ICMT: variants seen among roughly 807,000 people sequenced by gnomAD.
ICMT encodes isoprenylcysteine carboxyl methyltransferase.
A neutral mutation model predicts 32.2 loss-of-function variants in ICMT; 10 were observed. That is an observed-to-expected ratio of 0.31 (90% CI 0.19 to 0.53). ICMT has a LOEUF of 0.53. Ranked by LOEUF, ICMT falls within the 20% of genes least tolerant of loss-of-function variation. ICMT has a pLI of 0.96. For missense variants in ICMT, 265 were observed against 356.9 expected (o/e 0.74, Z 2.07); for synonymous variants, 183 against 158.2 (o/e 1.16, Z -1.18).
Position 6,233,527 on chromosome 1 carries a change from A to G in ICMT, c.401T>C (p.Val134Ala). 2 of 1,614,160 alleles carry G rather than the reference A, an allele frequency of 1.2e-6. No homozygotes were observed. Among genetic ancestry groups the G allele is most frequent in the Non-Finnish European group, 1.7e-6 (2 of 1,180,014 alleles). ...FLLNHSLEYT[V>A]AALSSWLEFT... ...CTCTAACCAAGAAGAAAGAGCAGCT[A>G]CTGTATACTCCAGGCTGTGATTCAG... The change falls in exon 3 of 5, where the codon GTA (valine) becomes GCA (alanine). Residue 134 changes from valine (V) to alanine (A), a missense_variant. Val to Ala is a moderately conservative substitution (Grantham distance 64). This residue lies in a region of ICMT where 166 missense variants were observed against 264.3 expected (regional missense o/e 0.63). Transcript: ENST00000343813.
At position 6,233,499 on chromosome 1, in the gene ICMT, G is replaced by A; in HGVS notation, c.429C>T (p.Phe143=). Residue 143 remains phenylalanine, a synonymous_variant, in exon 3 of 5, where the codon TTC becomes TTT. Transcript: ENST00000343813. ...CTGGCCAAAAGATATTTTCAAGTGT[G>A]AACTCTAACCAAGAAGAAAGAGCAG... ...TVAALSSWLE[F]TLENIFWPEL... The A allele has an allele frequency of 1.9e-6, 3 of 1,613,856 alleles. No individual in the cohort carries two copies. Among genetic ancestry groups the A allele is most frequent in the Non-Finnish European group, 2.5e-6 (3 of 1,179,962 alleles).
In ICMT at chr1:6,222,177, T is replaced by C. The variant is rs1668565305; in HGVS notation, c.*2903A>G. The C allele has an allele frequency of 6.6e-6, 1 of 152,274 alleles. No individual in the cohort carries two copies. The highest frequency in any genetic ancestry group is 2.1e-4 in the South Asian group (1 of 4,832). The allele number at this position is 152,274 out of a possible 1,614,324, so 9.4% of individuals were successfully genotyped here. A position where few individuals can be genotyped will look rare whatever the true frequency, so the allele number is the denominator to read the frequency against. On this transcript the variant is annotated 3_prime_UTR_variant, in exon 5 of 5. Coordinates refer to ENST00000343813, the MANE Select transcript of ICMT (RefSeq NM_012405.4). ...GGCTCACGCCTGTAATCCCAGCACTTTGGGAGGCCGAGGCGCGTGGATCAC... is the reference window on the plus strand; with the variant it reads ...GGCTCACGCCTGTAATCCCAGCACTCTGGGAGGCCGAGGCGCGTGGATCAC...
intron 1 of ICMT, among the ~76,000 whole-genome samples, chr1:6,235,438 G>A (rs1441113454): frequency 6.6e-6 from 1 of 152,116 alleles, no homozygotes; most frequent in Non-Finnish European, 1.5e-5. Context: ...CAGCAGGTAG[G>A]TCTCTGCACC....
At chr1:6,229,282 C>T (rs1022825322) in intron 4 of ICMT, among the ~76,000 whole-genome samples, 1 of 152,134 alleles carries the variant, frequency 6.6e-6, no homozygotes, top group Non-Finnish European at 1.5e-5. Context: ...AGTTCGAGAA[C>T]AGCCTGACCA....
At chr1:6,228,856 T>A (rs948687439) in intron 4 of ICMT, among the ~76,000 whole-genome samples, 2 of 149,494 alleles carry the variant, frequency 1.3e-5, no homozygotes, top group African/African-American at 4.9e-5. Flanking sequence ...GTGAAACCCC[T>A]ACTAAACCTA....
At chr1:6,231,593 G>A (rs1032499749) in intron 4 of ICMT, among the ~76,000 whole-genome samples, 3 of 151,996 alleles carry the variant, frequency 2.0e-5, no homozygotes, top group Admixed American at 6.6e-5. Flanking sequence ...GCAGAAACAG[G>A]ATGAAGGGAT....
intron 4 of ICMT, among the ~76,000 whole-genome samples, chr1:6,225,803 G>A (rs540352920): frequency 6.6e-6 from 1 of 152,128 alleles, no homozygotes; most frequent in Admixed American, 6.5e-5. Flanking sequence ...AACCCCAGAA[G>A]AGCAGCACTT....
chr1:6,234,553 C>T (rs1355834877), intron 2 of ICMT: 2 of 488,478 alleles, frequency 4.1e-6, no homozygotes, highest in African/African-American at 2.0e-5. Flanking sequence ...GAAGACAAGC[C>T]AGAGCCCTGC....
At position 6,224,520 on chromosome 1, in the gene ICMT, A is replaced by C. The variant is rs1052851511; in HGVS notation, c.*560T>G. 1.3e-5 allele frequency: 2 copies of C among 152,542 alleles called. No individual in the cohort carries two copies. Among genetic ancestry groups the C allele is most frequent in the African/African-American group, 4.8e-5 (2 of 41,468 alleles). The allele number at this position is 152,542 out of a possible 1,614,324, so 9.4% of individuals were successfully genotyped here. ...TATAAAAAATAGGTATGTAGCTATG[A>C]TTAAATAGATGAAGGGCCAAAGCAT... On this transcript the variant is annotated 3_prime_UTR_variant, in exon 5 of 5. Coordinates refer to ENST00000343813, the MANE Select transcript of ICMT (RefSeq NM_012405.4).
At chr1:6,225,769 C>T (rs539046363) in intron 4 of ICMT, among the ~76,000 whole-genome samples, 7 of 151,052 alleles carry the variant, frequency 4.6e-5, no homozygotes, top group Admixed American at 4.6e-4. Flanking sequence ...GAGACTGAAC[C>T]CCACCCCCTG....
intron 4 of ICMT, 104 bp from the exon 5 acceptor site, chr1:6,225,366 C>G (rs533413478): frequency 9.2e-7 from 1 of 1,084,546 alleles, no homozygotes; most frequent in African/African-American, 1.6e-5. Flanking sequence ...GTGCCCATGC[C>G]CTGCTGAGAC....
In ICMT at chr1:6,234,959, A is replaced by T. The variant is rs145062634; in HGVS notation, c.211T>A (p.Cys71Ser). The T allele has an allele frequency of 1.8e-3, 2,835 of 1,613,872 alleles. 11 individuals are homozygous for T. Among genetic ancestry groups the T allele is most frequent in the Middle Eastern group, 3.5e-3 (21 of 6,062 alleles). The change falls in exon 2 of 5, where the codon TGT (cysteine) becomes AGT (serine). Residue 71 changes from cysteine (C) to serine (S), a missense_variant. Coordinates refer to ENST00000343813, the MANE Select transcript of ICMT (RefSeq NM_012405.4). ...PPRYQIAIRA[C>S]FLGFVFGCGT... Reference sequence around the variant, plus strand: ...CAGCCGAACACAAACCCCAGGAAACAAGCTCGGATGGCTATCTGAAAGGAA... The same window carrying T: ...CAGCCGAACACAAACCCCAGGAAACTAGCTCGGATGGCTATCTGAAAGGAA...
intron 4 of ICMT, among the ~76,000 whole-genome samples, chr1:6,229,704 G>A (rs1455877175): frequency 6.6e-6 from 1 of 151,406 alleles, no homozygotes; most frequent in Non-Finnish European, 1.5e-5. Context: ...AGTAAACCAT[G>A]ATCATGCCAA....
chr1:6,230,218 G>A lies in ICMT; in HGVS notation c.672+1684C>T, dbSNP rs575942796. On this transcript the variant is annotated intron_variant, in intron 4 of 4. Coordinates refer to ENST00000343813, the MANE Select transcript of ICMT (RefSeq NM_012405.4). Reference sequence around the variant, plus strand: ...CAACCTCCACCTCCCAGGTTCAAGCGGTTCTCAGGTCTCAGCCTCCCGAGT... The same window carrying A: ...CAACCTCCACCTCCCAGGTTCAAGCAGTTCTCAGGTCTCAGCCTCCCGAGT... Among the ~76,000 whole-genome samples the A allele has an allele frequency of 1.1e-4, 16 of 152,206 alleles. No individual in the cohort carries two copies. In the South Asian group the frequency reaches 1.2e-3, roughly 12 times the overall value.
chr1:6,235,903 G>A lies in ICMT; in HGVS notation c.9C>T (p.Gly3=), dbSNP rs1338063306. MA[G]CAARAPPGSE... The stretch of plus-strand genomic sequence containing the variant: ...AGCCCGGCGGAGCCCGCGCCGCGCA[G>A]CCCGCCATGGCGCCGGGCGGCGGAC... The change falls in exon 1 of 5, where the codon GGC becomes GGT. Residue 3 remains glycine, a synonymous_variant. Transcript: ENST00000343813. 17 of 1,115,414 alleles carry A rather than the reference G, an allele frequency of 1.5e-5. No homozygotes were observed. The highest frequency in any genetic ancestry group is 1.9e-5 in the Non-Finnish European group (17 of 916,510). 69.1% of individuals were successfully genotyped at this position (1,115,414 alleles called of 1,614,324 possible).
intron 4 of ICMT, among the ~76,000 whole-genome samples, chr1:6,226,511 G>A (rs764997372): frequency 6.6e-6 from 1 of 152,178 alleles, no homozygotes; most frequent in Non-Finnish European, 1.5e-5. Context: ...GGTCCCCTGT[G>A]GATGTGCATC....
Position 6,224,526 on chromosome 1 carries a change from T to G in ICMT, c.*554A>C, listed in dbSNP as rs1349765013. 2 of 152,540 alleles carry G rather than the reference T, an allele frequency of 1.3e-5. No homozygotes were observed. Among genetic ancestry groups the G allele is most frequent in the Non-Finnish European group, 2.9e-5 (2 of 68,290 alleles). 9.4% of individuals were successfully genotyped at this position (152,540 alleles called of 1,614,324 possible). On this transcript the variant is annotated 3_prime_UTR_variant, in exon 5 of 5. Transcript: ENST00000343813. ...AAATAGGTATGTAGCTATGATTAAA[T>G]AGATGAAGGGCCAAAGCATCCTATG...
chr1:6,232,130 GAGA>G lies in ICMT; in HGVS notation c.455-14_455-12del. The G allele has an allele frequency of 6.2e-7, 1 of 1,606,950 alleles. No individual in the cohort carries two copies. The highest frequency in any genetic ancestry group is 2.2e-5 in the East Asian group (1 of 44,760). On this transcript the variant is annotated splice_polypyrimidine_tract_variant and intron_variant, in intron 3 of 4. Transcript: ENST00000343813. The stretch of plus-strand genomic sequence containing the variant: ...TAATCTGCTTCAGTTCTGTGGGAGA[GAGA>G]CATCAACGACACACGGGGAGTGAAA...
At chr1:6,225,356 G>T in intron 4 of ICMT, 94 bp from the exon 5 acceptor site, 1 of 1,247,168 alleles carries the variant, frequency 8.0e-7, no homozygotes, top group Non-Finnish European at 1.1e-6. Flanking sequence ...GAGGATTTCT[G>T]TGCCCATGCC....
Sources: gnomAD v4.1 joint callset for allele counts (sites outside exome capture counted in the v4.1 genomes callset) on GRCh38, gnomAD v4.1.1 for gene constraint, gnomAD v4.1.1 regional missense constraint, MANE v1.5 for transcripts, NCBI Gene and HGNC (gene_info 2026-07-23, HGNC 2026-07-21) for gene names.